The following ADCY4 variants were observed in gnomAD, a reference collection of about 807,000 sequenced individuals.
ADCY4 encodes the protein adenylate cyclase type 4.
In ADCY4, 111 loss-of-function variants were observed where a neutral mutation model predicts 125.5. The observed-to-expected ratio is 0.88, with a 90% CI of 0.76 to 1.04. The LOEUF is 1.04. Among genes scored for constraint, ADCY4 ranks in the 50% least tolerant of loss-of-function variants. ADCY4 has a pLI of 0.00. For missense variants in ADCY4, 1,256 were observed against 1,382.9 expected (o/e 0.91, Z 1.46); for synonymous variants, 576 against 586.9 (o/e 0.98, Z 0.27).
chr14:24,332,115 C>T (rs1266759660), intron 3 of ADCY4, 178 bp from the exon 4 acceptor site: 1 of 755,570 alleles, frequency 1.3e-6, no homozygotes, highest in East Asian at 3.3e-5. Flanking sequence ...CCCAGATGCT[C>T]CCTCCTCCAG....
chr14:24,321,709 C>G, intron 20 of ADCY4: 5 of 790,578 alleles, frequency 6.3e-6, no homozygotes, highest in Non-Finnish European at 7.8e-6. Context: ...GCTGGCTCAC[C>G]GCTCACCTCC....
chr14:24,325,987 G>A, intron 12 of ADCY4, 92 bp downstream of exon 12: 2 of 1,587,308 alleles, frequency 1.3e-6, no homozygotes, highest in Admixed American at 1.7e-5. Flanking sequence ...GGTCAGGCGA[G>A]TCTTCCCTCC....
chr14:24,325,260 G>T, intron 14 of ADCY4, 117 bp downstream of exon 14: 4 of 760,100 alleles, frequency 5.3e-6, no homozygotes, highest in East Asian at 2.5e-5. Flanking sequence ...TTTCCTCTGT[G>T]GGTAAGTGCC....
Position 24,331,040 on chromosome 14 carries a change from C to T in ADCY4, c.908G>A (p.Gly303Asp). The change falls in exon 6 of 25, where the codon GGC (glycine) becomes GAC (aspartate). Residue 303 changes from glycine to aspartate, a missense_variant. By Grantham distance (94) the Gly-to-Asp change is moderately conservative. Transcript: ENST00000418030. ...GACCTTGGCAATCTGGTCGAACTTG[C>T]CAAAGAGCTCATTGAGCATGAGCAC... Reference protein sequence around the residue: ...ELVLMLNELFGKFDQIAKEHE... With the variant: ...ELVLMLNELFDKFDQIAKEHE... 3 of 1,610,806 alleles carry T rather than the reference C, an allele frequency of 1.9e-6. No individual in the cohort carries two copies. Among genetic ancestry groups the T allele is most frequent in the Non-Finnish European group, 1.7e-6 (2 of 1,177,592 alleles).
intron 4 of ADCY4, 104 bp from the exon 5 acceptor site, chr14:24,331,460 C>T: frequency 6.7e-7 from 1 of 1,490,102 alleles, no homozygotes; most frequent in Non-Finnish European, 9.0e-7. Context: ...TAGGTGCTCC[C>T]CAGGGTGCTC....
intron 3 of ADCY4, 143 bp from the exon 4 acceptor site, chr14:24,332,080 T>A: frequency 9.1e-7 from 1 of 1,103,772 alleles, no homozygotes; most frequent in Non-Finnish European, 1.2e-6. Flanking sequence ...TGCCACACTG[T>A]GGCATCCCTA....
In ADCY4 at chr14:24,318,404, G is replaced by A. The variant is rs1313081209; in HGVS notation, c.*12C>T. ...GTCTCTTTATTGAGGTTCTTAGAAG[G>A]CGAGTGCAATCTCAGCCTAGGGTAG... On this transcript the variant is annotated 3_prime_UTR_variant, in exon 25 of 25. Transcript: ENST00000418030. The A allele has an allele frequency of 6.2e-7, 1 of 1,613,302 alleles. No individual in the cohort carries two copies.
chr14:24,319,710 C>T lies in ADCY4; in HGVS notation c.2733+32G>A. The T allele has an allele frequency of 6.2e-7, 1 of 1,613,620 alleles. No individual in the cohort carries two copies. The highest frequency in any genetic ancestry group is 8.5e-7 in the Non-Finnish European group (1 of 1,179,854). On this transcript the variant is annotated intron_variant, in intron 21 of 24. Coordinates refer to ENST00000418030, the MANE Select transcript of ADCY4 (RefSeq NM_001198568.2). This position sits in a 1 kb window ranked among gnomAD's most constrained non-coding sequence, Gnocchi z 4.5. ...TGGTGGAAAATTCTAGAATCTAGGA[C>T]ATAGGGTCTGGGAGACTCTTGGAAT...
rs748973951 is a variant in ADCY4 at position 24,322,153 on chromosome 14, C to A, written c.2499G>T (p.Thr833=). The part of the protein sequence containing the change: ...KLRQEREETE[T]MENLTRLLLE... ...AGAGCAGCCGAGTCAGGTTCTCCATCGTCTCTGTCTCCTCCCTCTCCTGCC... is the reference window on the plus strand; with the variant it reads ...AGAGCAGCCGAGTCAGGTTCTCCATAGTCTCTGTCTCCTCCCTCTCCTGCC... Residue 833 remains threonine, a synonymous_variant, in exon 20 of 25, where the codon ACG becomes ACT. Coordinates refer to ENST00000418030, the MANE Select transcript of ADCY4 (RefSeq NM_001198568.2). 6.2e-7 allele frequency: 1 copy of A among 1,614,174 alleles called. No individual in the cohort carries two copies. Among genetic ancestry groups the A allele is most frequent in the South Asian group, 1.1e-5 (1 of 91,086 alleles).
chr14:24,326,275 G>T, intron 11 of ADCY4, 24 bp downstream of exon 11: 2 of 1,613,988 alleles, frequency 1.2e-6, no homozygotes, highest in Non-Finnish European at 1.7e-6. Context: ...AGCCCCACTG[G>T]CAAAGACTTT....
At chr14:24,332,179 A>G in intron 3 of ADCY4, 1 of 474,218 alleles carries the variant, frequency 2.1e-6, no homozygotes, top group East Asian at 3.5e-5. Flanking sequence ...GTTTGCAGGT[A>G]GGTTTCTTGT....
Position 24,322,982 on chromosome 14 carries a change from C to T in ADCY4, c.2264G>A (p.Cys755Tyr). Residue 755 changes from cysteine (C) to tyrosine (Y), a missense_variant, in exon 18 of 25, where the codon TGC becomes TAC. Transcript: ENST00000418030. ...GGCATGGGAGTGCAGGAAGAGGGAG[C>T]AGGATGCCGCCAGCCACAGCAGGAG... ...LLLLLWLAAS[C>Y]SLFLHSHAWL... The T allele has an allele frequency of 1.2e-6, 2 of 1,613,942 alleles. No individual in the cohort carries two copies. Among genetic ancestry groups the T allele is most frequent in the Non-Finnish European group, 1.7e-6 (2 of 1,179,968 alleles).
chr14:24,323,573 C>A (rs2041890730), intron 16 of ADCY4, 119 bp from the exon 17 acceptor site: 15 of 1,473,212 alleles, frequency 1.0e-5, no homozygotes, highest in Non-Finnish European at 1.3e-5. Context: ...AGGGGTGGAT[C>A]CTGCTATTTC....
intron 6 of ADCY4, 22 bp downstream of exon 6, chr14:24,330,996 G>A: frequency 6.3e-7 from 1 of 1,576,744 alleles, no homozygotes; most frequent in South Asian, 1.2e-5. Flanking sequence ...GTCCCTGGGT[G>A]GGGAGGGAAG....
chr14:24,332,362 G>T (rs564726342), intron 3 of ADCY4, 160 bp downstream of exon 3: 4 of 787,088 alleles, frequency 5.1e-6, no homozygotes, highest in African/African-American at 3.5e-5. Flanking sequence ...AGCAGGCATT[G>T]CATCACACTG....
chr14:24,334,722 GC>G lies in ADCY4; in HGVS notation c.-71del. The G allele has an allele frequency of 7.6e-7, 1 of 1,309,426 alleles. No homozygotes were observed. The highest frequency in any genetic ancestry group is 1.0e-6 in the Non-Finnish European group (1 of 983,322). 81.1% of individuals were successfully genotyped at this position (1,309,426 alleles called of 1,614,324 possible). ...CGGGTTACCTCCTTCGGCCCGGCGG[GC>G]CCCACCTGAGCTTTTCTCACCCGCT... On this transcript the variant is annotated 5_prime_UTR_variant, in exon 1 of 25. Coordinates refer to ENST00000418030, the MANE Select transcript of ADCY4 (RefSeq NM_001198568.2).
rs777778147 is a variant in ADCY4 at position 24,329,939 on chromosome 14, C to T, written c.1138G>A (p.Gly380Arg). ...HSGSVLCGVI[G>R]LQKWQYDVWS... The stretch of plus-strand genomic sequence containing the variant: ...ACGTCGTACTGCCACTTCTGCAGCC[C>T]GATGACTCCACACAGTACGCTGCCT... Residue 380 changes from glycine (G) to arginine (R), a missense_variant, in exon 8 of 25, where the codon GGG becomes AGG. By Grantham distance (125) the Gly-to-Arg change is moderately radical (BLOSUM62 -2). Transcript: ENST00000418030. The T allele has an allele frequency of 3.0e-5, 49 of 1,614,010 alleles. 1 individual carries two copies. The highest frequency in any genetic ancestry group is 4.4e-5 in the South Asian group (4 of 91,090).
At chr14:24,328,239 G>GA (rs1319877941) in intron 10 of ADCY4, among the ~76,000 whole-genome samples, 2 of 140,932 alleles carry the variant, frequency 1.4e-5, no homozygotes, top group African/African-American at 5.4e-5. Context: ...GGTGGGGGGG[G>GA]GGGTCTCCCT....
Position 24,319,289 on chromosome 14 carries a change from A to G in ADCY4, c.2841+40T>C. On this transcript the variant is annotated intron_variant, in intron 22 of 24. Transcript: ENST00000418030. This position sits in a 1 kb window ranked among gnomAD's most constrained non-coding sequence, Gnocchi z 4.5. Reference sequence around the variant, plus strand: ...TCCCACTAATAAGCCCATCAATGAGAGCCCAGAGGAGGATGGTAGGTAAGG... The same window carrying G: ...TCCCACTAATAAGCCCATCAATGAGGGCCCAGAGGAGGATGGTAGGTAAGG... 1 of 1,612,738 alleles carries G rather than the reference A, an allele frequency of 6.2e-7. No homozygotes were observed. The highest frequency in any genetic ancestry group is 1.1e-5 in the South Asian group (1 of 91,026).
Sources: allele counts gnomAD v4.1 joint callset (sites outside exome capture counted in the v4.1 genomes callset), GRCh38; gene constraint gnomAD v4.1.1; non-coding constraint Gnocchi (gnomAD v3.1); transcripts MANE v1.5; gene names NCBI Gene and HGNC (gene_info 2026-07-23, HGNC 2026-07-21).